Variants in ANKRD17 observed in about 807,000 individuals in gnomAD.
ANKRD17 encodes ankyrin repeat domain 17.
Under a neutral mutation model 229.7 loss-of-function variants are expected in ANKRD17, and 19 were observed. The ratio of observed to expected loss-of-function variants is 0.08; its 90% CI spans 0.06 to 0.12. The LOEUF (loss-of-function observed/expected upper bound fraction) is 0.12. ANKRD17 is among the 10% of genes least tolerant of loss of function. The pLI, the probability that ANKRD17 is intolerant of heterozygous loss-of-function variation, is 1.00. For missense variants in ANKRD17, 2,176 were observed against 3,176.8 expected, an observed-to-expected ratio of 0.68 and a Z score of 7.57; for synonymous variants, 1,112 against 1,146.1, an observed-to-expected ratio of 0.97 and a Z score of 0.60.
intron 1 of ANKRD17, among the ~76,000 whole-genome samples, chr4:73,244,869 A>G (rs1455282955): frequency 6.6e-6 from 1 of 152,196 alleles, no homozygotes; most frequent in African/African-American, 2.4e-5. Flanking sequence ...CTTGCCTGCA[A>G]TAATTGGAAG....
rs1461055386 is a variant in ANKRD17 at position 73,258,713 on chromosome 4, C to T, written c.-45G>A. 4 of 1,403,528 alleles carry T rather than the reference C, an allele frequency of 2.8e-6. No homozygotes were observed. The highest frequency in any genetic ancestry group is 1.5e-5 in the African/African-American group (1 of 65,068). 86.9% of individuals were successfully genotyped at this position (1,403,528 alleles called of 1,614,324 possible). A position where few individuals can be genotyped will look rare whatever the true frequency, so the allele number is the denominator to read the frequency against. On this transcript the variant is annotated 5_prime_UTR_variant, in exon 1 of 34. Transcript: ENST00000358602. ...GCGCGGACGGGGGAGGGGCGTGGGG[C>T]TACGCTCTACCGCGACTTCGGCCGC...
chr4:73,172,784 A>C (rs973145192), intron 2 of ANKRD17, among the ~76,000 whole-genome samples: 2 of 152,312 alleles, frequency 1.3e-5, no homozygotes, highest in Admixed American at 6.5e-5. Flanking sequence ...TGCAAGCCTC[A>C]TGGTAACCTC....
intron 1 of ANKRD17, among the ~76,000 whole-genome samples, chr4:73,210,054 C>T (rs1740044755): frequency 6.6e-6 from 1 of 152,102 alleles, no homozygotes; most frequent in Non-Finnish European, 1.5e-5. Context: ...CCCATAGTCA[C>T]CAGTTCTATT....
intron 30 of ANKRD17, among the ~76,000 whole-genome samples, chr4:73,081,731 C>T (rs2110101849): frequency 6.6e-6 from 1 of 152,106 alleles, no homozygotes; most frequent in African/African-American, 2.4e-5. Context: ...TGGAAGTACC[C>T]CATAAAATGA....
At chr4:73,242,963 A>G (rs1744176541) in intron 1 of ANKRD17, among the ~76,000 whole-genome samples, 1 of 152,218 alleles carries the variant, frequency 6.6e-6, no homozygotes, top group African/African-American at 2.4e-5. Flanking sequence ...AAGGGAGGTA[A>G]AAGAAGAAGT....
chr4:73,208,644 G>A (rs1323220150), intron 1 of ANKRD17, among the ~76,000 whole-genome samples: 1 of 152,072 alleles, frequency 6.6e-6, no homozygotes, highest in African/African-American at 2.4e-5. Context: ...AATCCTCCAA[G>A]GAAACCCCAG....
intron 1 of ANKRD17, among the ~76,000 whole-genome samples, chr4:73,206,475 G>A (rs948829453): frequency 1.3e-5 from 2 of 151,768 alleles, no homozygotes; most frequent in Non-Finnish European, 2.9e-5. Context: ...AGGGAGGCAG[G>A]CAGGGAGGGA....
chr4:73,120,097 C>G, intron 21 of ANKRD17, 65 bp downstream of exon 21: 1 of 1,499,848 alleles, frequency 6.7e-7, no homozygotes, highest in South Asian at 1.1e-5. Context: ...GTTTAATTGC[C>G]TAGAGAGAAT....
chr4:73,141,185 A>T (rs1205081372), intron 14 of ANKRD17, among the ~76,000 whole-genome samples: 1 of 152,272 alleles, frequency 6.6e-6, no homozygotes, highest in African/African-American at 2.4e-5. Context: ...ACCGGTAGGT[A>T]TAAAATGTTT....
rs1442352830 is a variant in ANKRD17, at chr4:73,140,103, G to A, written c.2513C>T (p.Ala838Val). Residue 838 changes from alanine (A) to valine (V), a missense_variant, in exon 15 of 34, where the codon GCT becomes GTT. Ala to Val is a moderately conservative substitution (Grantham distance 64). Transcript: ENST00000358602. ...CTCCTTGGTAAGTTGGTCAGCATGA[G>A]CCAGTTCCAAGGACTGCAGCTGTGC... ...KNAQLQSLEL[A>V]HADQLTKEKI... 1 of 1,614,146 alleles carries A rather than the reference G, an allele frequency of 6.2e-7. No homozygotes were observed. Among genetic ancestry groups the A allele is most frequent in the Non-Finnish European group, 8.5e-7 (1 of 1,180,022 alleles).
intron 25 of ANKRD17, 78 bp from the exon 26 acceptor site, chr4:73,098,598 G>T (rs1418106665): frequency 7.5e-7 from 1 of 1,334,290 alleles, no homozygotes; most frequent in East Asian, 2.4e-5. Context: ...TTGAAGAAAA[G>T]AAAAACCCAG....
chr4:73,204,826 A>T (rs1739235389), intron 1 of ANKRD17, among the ~76,000 whole-genome samples: 1 of 152,188 alleles, frequency 6.6e-6, no homozygotes, highest in Non-Finnish European at 1.5e-5. Flanking sequence ...ACACATATAT[A>T]TTACAAGCAC....
Position 73,082,872 on chromosome 4 carries a change from G to A in ANKRD17, c.7159+2377C>T, listed in dbSNP as rs77695448. Among the ~76,000 whole-genome samples the A allele has an allele frequency of 3.8e-3, 574 of 152,276 alleles. 3 individuals carry two copies. Among genetic ancestry groups the A allele is most frequent in the African/African-American group, 0.013 (545 of 41,554 alleles). ...AAGTTATTGAGATAACTGATGAAATGTAAATATGCACCATATATTAGATAA... is the reference window on the plus strand; with the variant it reads ...AAGTTATTGAGATAACTGATGAAATATAAATATGCACCATATATTAGATAA... On this transcript the variant is annotated intron_variant, in intron 30 of 33. Transcript: ENST00000358602.
chr4:73,193,402 G>C (rs1737396989), intron 1 of ANKRD17, among the ~76,000 whole-genome samples: 1 of 152,204 alleles, frequency 6.6e-6, no homozygotes, highest in South Asian at 2.1e-4. Context: ...CATATGAGAA[G>C]TGTATGTTTA....
chr4:73,223,437 T>C (rs1489594530), intron 1 of ANKRD17, among the ~76,000 whole-genome samples: 1 of 152,210 alleles, frequency 6.6e-6, no homozygotes, highest in African/African-American at 2.4e-5. Flanking sequence ...GTGAGATTAA[T>C]GGTTGTATTA....
intron 3 of ANKRD17, among the ~76,000 whole-genome samples, chr4:73,157,802 C>G (rs952174005): frequency 6.6e-6 from 1 of 152,046 alleles, no homozygotes; most frequent in African/African-American, 2.4e-5. Flanking sequence ...AAAAGTAGAA[C>G]ACGTCCGCCG....
At chr4:73,142,407 G>A (rs1462553089) in intron 12 of ANKRD17, 22 bp from the exon 13 acceptor site, 2 of 1,583,436 alleles carry the variant, frequency 1.3e-6, no homozygotes, top group African/African-American at 1.4e-5. Context: ...AATATGGAAG[G>A]GGAAAAAAAG....
Position 73,090,725 on chromosome 4 carries a change from A to G in ANKRD17, c.6903T>C (p.Asp2301=). ...LPNSDPLHQS[D]TSKAPGFRPP... is the part of the protein sequence containing the mutation. ...GTCTAAAACCTGGAGCTTTGGAAGT[A>G]TCAGACTGATGTAAAGGATCTGAAT... The change falls in exon 29 of 34, where the codon GAT becomes GAC. Residue 2301 remains aspartate, a synonymous_variant. Transcript: ENST00000358602. The G allele has an allele frequency of 6.2e-7, 1 of 1,614,230 alleles. No individual in the cohort carries two copies. Among genetic ancestry groups the G allele is most frequent in the Non-Finnish European group, 8.5e-7 (1 of 1,180,028 alleles).
intron 2 of ANKRD17, among the ~76,000 whole-genome samples, chr4:73,163,004 G>A (rs7661799): frequency 0.16 from 23,780 of 150,700 alleles, 1,967 homozygotes; most frequent in South Asian, 0.19. Context: ...GACCACAGGC[G>A]CATGTCACCA....
Sources: gnomAD v4.1 joint callset for allele counts (sites outside exome capture counted in the v4.1 genomes callset) on GRCh38, gnomAD v4.1.1 for gene constraint, MANE v1.5 for transcripts, NCBI Gene and HGNC (gene_info 2026-07-23, HGNC 2026-07-21) for gene names.